The following NUSAP1 variants were observed in gnomAD, a reference collection of about 807,000 sequenced individuals.
The protein encoded by NUSAP1 is nucleolar and spindle-associated protein 1.
Under a neutral mutation model 52.8 loss-of-function variants are expected in NUSAP1, and 32 were observed. The observed-to-expected ratio is 0.61, with a 90% CI of 0.46 to 0.81. The LOEUF is 0.81. NUSAP1 is among the 40% of genes least tolerant of loss of function. NUSAP1 has a pLI of 0.00. For missense variants in NUSAP1, 499 were observed against 522.3 expected (o/e 0.96, Z 0.43); for synonymous variants, 195 against 183.1 (o/e 1.06, Z -0.52).
At chr15:41,336,254 G>A (rs901854701) in intron 1 of NUSAP1, among the ~76,000 whole-genome samples, 3 of 149,862 alleles carry the variant, frequency 2.0e-5, no homozygotes, top group East Asian at 1.9e-4. Context: ...CAACAAGAGC[G>A]AAACTCCGTC....
chr15:41,350,009 T>C (rs2048722877), intron 3 of NUSAP1, among the ~76,000 whole-genome samples: 1 of 152,044 alleles, frequency 6.6e-6, no homozygotes, highest in African/African-American at 2.4e-5. Context: ...TCTGGTGCTC[T>C]ACCCACCTCG....
At chr15:41,361,261 C>T (rs1195849475) in intron 6 of NUSAP1, among the ~76,000 whole-genome samples, 3 of 151,136 alleles carry the variant, frequency 2.0e-5, no homozygotes, top group African/African-American at 7.3e-5. Context: ...GGCATGGTGG[C>T]GCATGTCTGT....
At chr15:41,359,161 G>A (rs191343934) in intron 6 of NUSAP1, among the ~76,000 whole-genome samples, 1 of 152,180 alleles carries the variant, frequency 6.6e-6, no homozygotes, top group African/African-American at 2.4e-5. Flanking sequence ...ATAAAGACAG[G>A]GTCTCCCTAT....
chr15:41,380,043 ATC>A, intron 10 of NUSAP1, 48 bp from the exon 11 acceptor site: 4 of 1,338,100 alleles, frequency 3.0e-6, no homozygotes, highest in East Asian at 2.5e-5. Context: ...GCTTTAAAGT[ATC>A]TGTTTTGGAG....
intron 10 of NUSAP1, among the ~76,000 whole-genome samples, chr15:41,377,733 G>A (rs955543902): frequency 5.4e-5 from 8 of 147,938 alleles, no homozygotes; most frequent in South Asian, 2.1e-4. Context: ...GGCCAGGCAC[G>A]GTGGCTCACG....
intron 4 of NUSAP1, among the ~76,000 whole-genome samples, chr15:41,355,638 C>G (rs1018995869): frequency 6.6e-6 from 1 of 151,354 alleles, no homozygotes; most frequent in Middle Eastern, 3.4e-3. Context: ...TGTGAAAATA[C>G]TCTGTTAACT....
At chr15:41,371,790 G>A in intron 8 of NUSAP1, 106 bp downstream of exon 8, 2 of 1,347,500 alleles carry the variant, frequency 1.5e-6, no homozygotes, top group Non-Finnish European at 2.0e-6. Flanking sequence ...TTTTTTCTGA[G>A]ATGGAGTTTC....
intron 5 of NUSAP1, 70 bp downstream of exon 5, chr15:41,356,210 G>C (rs1278497077): frequency 2.3e-6 from 2 of 870,240 alleles, no homozygotes; most frequent in Admixed American, 2.1e-5. Context: ...GACTGTAACA[G>C]CTGAAAGCAT....
intron 1 of NUSAP1, among the ~76,000 whole-genome samples, chr15:41,335,214 CATAA>C (rs2048072626): frequency 6.7e-6 from 1 of 148,294 alleles, no homozygotes; most frequent in Non-Finnish European, 1.5e-5. Context: ...ATTTTACTAG[CATAA>C]ATATACTAGT....
At chr15:41,366,870 G>C (rs1245935122) in intron 7 of NUSAP1, among the ~76,000 whole-genome samples, 1 of 152,190 alleles carries the variant, frequency 6.6e-6, no homozygotes, top group African/African-American at 2.4e-5. Flanking sequence ...TTATAGAGGA[G>C]GTTTCATAGG....
At chr15:41,336,152 C>T (rs139595229) in intron 1 of NUSAP1, among the ~76,000 whole-genome samples, 20 of 151,182 alleles carry the variant, frequency 1.3e-4, no homozygotes, top group Non-Finnish European at 2.5e-4. Context: ...CCCAGCTACT[C>T]GGGAGGCTGA....
intron 6 of NUSAP1, among the ~76,000 whole-genome samples, chr15:41,364,962 C>G (rs549546078): frequency 6.6e-6 from 1 of 152,062 alleles, no homozygotes; most frequent in Non-Finnish European, 1.5e-5. Context: ...GGAAATTGCT[C>G]TTTATAACAG....
At position 41,380,301 on chromosome 15, in the gene NUSAP1, T is replaced by G. The variant is rs2050159036; in HGVS notation, c.*115T>G. The G allele has an allele frequency of 1.5e-6, 1 of 678,204 alleles. No homozygotes were observed. The highest frequency in any genetic ancestry group is 1.9e-5 in the South Asian group (1 of 53,802). 42.0% of individuals were successfully genotyped at this position (678,204 alleles called of 1,614,324 possible). A position where few individuals can be genotyped will look rare whatever the true frequency, so the allele number is the denominator to read the frequency against. ...CACGAGATCTTTTTCTGCTAACTGT[T>G]CATAGTCTGTGTAGTGTCCATGGGT... On this transcript the variant is annotated 3_prime_UTR_variant, in exon 11 of 11. Transcript: ENST00000559596.
chr15:41,368,567 T>G (rs1341452774), intron 7 of NUSAP1, among the ~76,000 whole-genome samples: 1 of 152,128 alleles, frequency 6.6e-6, no homozygotes, highest in Non-Finnish European at 1.5e-5. Context: ...TCACCTTCAG[T>G]GGGACTTTCC....
chr15:41,348,093 A>G (rs907742138), intron 2 of NUSAP1, among the ~76,000 whole-genome samples: 1 of 152,176 alleles, frequency 6.6e-6, no homozygotes, highest in Non-Finnish European at 1.5e-5. Flanking sequence ...ACTGTAATCT[A>G]GCCTAGGCAA....
At position 41,365,721 on chromosome 15, in the gene NUSAP1, T is replaced by A. The variant is rs796690833; in HGVS notation, c.848+132T>A. ...ATAGTGATGTTTCTTTTCTTTTCTT[T>A]TTCTTTTTTTTTTTTTTGAGATGAG... On this transcript the variant is annotated intron_variant, in intron 7 of 10. Transcript: ENST00000559596. The A allele has an allele frequency of 1.1e-5, 7 of 636,958 alleles. No homozygotes were observed. The African/African-American group carries it at 1.1e-4, about 10-fold the overall frequency. The allele number at this position is 636,958 out of a possible 1,614,324, so 39.5% of individuals were successfully genotyped here.
intron 2 of NUSAP1, 104 bp from the exon 3 acceptor site, chr15:41,348,994 C>A: frequency 1.7e-6 from 2 of 1,180,692 alleles, no homozygotes; most frequent in Non-Finnish European, 2.4e-6. Context: ...TAAATTTTTT[C>A]TTTTGCATAT....
intron 6 of NUSAP1, among the ~76,000 whole-genome samples, chr15:41,358,831 T>A (rs2049066231): frequency 6.6e-6 from 1 of 152,234 alleles, no homozygotes; most frequent in Non-Finnish European, 1.5e-5. Context: ...CCTATTACTT[T>A]CATTGATGAT....
At chr15:41,370,625 C>T (rs2049632456) in intron 7 of NUSAP1, among the ~76,000 whole-genome samples, 1 of 151,746 alleles carries the variant, frequency 6.6e-6, no homozygotes, top group Admixed American at 6.6e-5. Flanking sequence ...TGGCGCATGC[C>T]TGTAATCATA....
Sources: gnomAD v4.1 joint callset for allele counts (sites outside exome capture counted in the v4.1 genomes callset) on GRCh38, gnomAD v4.1.1 for gene constraint, MANE v1.5 for transcripts, NCBI Gene and HGNC (gene_info 2026-07-23, HGNC 2026-07-21) for gene names.